The following CNGA3 variants were observed in gnomAD, a reference collection of about 807,000 sequenced individuals.
The protein encoded by CNGA3 is cyclic nucleotide gated channel subunit alpha 3.
Under a neutral mutation model 46.6 loss-of-function variants are expected in CNGA3, and 42 were observed. The ratio of observed to expected loss-of-function variants is 0.90; its 90% CI spans 0.70 to 1.17. The LOEUF is 1.17. Ranked by LOEUF, CNGA3 falls within the 50% of genes most tolerant of loss-of-function variation. CNGA3 has a pLI of 0.00. For synonymous variants in CNGA3, 394 were observed against 369.4 expected (o/e 1.07, Z -0.76); for missense variants, 893 against 890.7 (o/e 1.00, Z -0.03).
chr2:98,369,926 G>A lies in CNGA3; in HGVS notation c.-37-13G>A. On this transcript the variant is annotated splice_polypyrimidine_tract_variant and intron_variant, in intron 1 of 7. Transcript: ENST00000272602. ...TGTCCTGATGACGTGTCTGCTTTGT[G>A]TTCACATTTTAGCAATCATCTGGGG... 4 of 1,502,910 alleles carry A rather than the reference G, an allele frequency of 2.7e-6. No individual in the cohort carries two copies. Among genetic ancestry groups the A allele is most frequent in the Non-Finnish European group, 3.7e-6 (4 of 1,083,596 alleles). 93.1% of individuals were successfully genotyped at this position (1,502,910 alleles called of 1,614,324 possible).
chr2:98,390,199 G>A lies in CNGA3; in HGVS notation c.566+425G>A, dbSNP rs894468041. Reference sequence around the variant, plus strand: ...CACCCAGGCTGGAGTTCAGTGGCGCGATCTCAGCTAACTGCAACCTCCACC... The same window carrying A: ...CACCCAGGCTGGAGTTCAGTGGCGCAATCTCAGCTAACTGCAACCTCCACC... On this transcript the variant is annotated intron_variant, in intron 6 of 7. Coordinates refer to ENST00000272602, the MANE Select transcript of CNGA3 (RefSeq NM_001298.3). Among the ~76,000 whole-genome samples, 11 of 151,702 alleles carry A rather than the reference G, an allele frequency of 7.3e-5. No individual in the cohort carries two copies. In the East Asian group the frequency reaches 1.9e-3, roughly 27 times the overall value.
Position 98,346,546 on chromosome 2 carries a change from T to C in CNGA3, c.-38+12T>C, listed in dbSNP as rs1157321151. On this transcript the variant is annotated intron_variant, in intron 1 of 7. Coordinates refer to ENST00000272602, the MANE Select transcript of CNGA3 (RefSeq NM_001298.3). ...CAAACTTTGGCAGGGTAAGGATTTT[T>C]AGGGGCTCTTGAGCTGGAATTTTTT... 5.0e-6 allele frequency: 2 copies of C among 397,132 alleles called. No individual in the cohort carries two copies. Among genetic ancestry groups the C allele is most frequent in the Non-Finnish European group, 8.9e-6 (2 of 225,530 alleles). The allele number at this position is 397,132 out of a possible 1,614,324, so 24.6% of individuals were successfully genotyped here. A position where few individuals can be genotyped will look rare whatever the true frequency, so the allele number is the denominator to read the frequency against.
intron 6 of CNGA3, among the ~76,000 whole-genome samples, chr2:98,391,555 C>T (rs1692788634): frequency 6.6e-6 from 1 of 152,220 alleles, no homozygotes; most frequent in Non-Finnish European, 1.5e-5. Context: ...CTTTACCTGA[C>T]TCTGCCAGTG....
Position 98,397,133 on chromosome 2 carries a change from C to G in CNGA3, c.1963C>G (p.Gln655Glu), listed in dbSNP as rs779058494. ...ARLLAEYNAT[Q>E]MKMKQRLSQL... ...CCTCCTGGCTGAGTACAACGCCACC[C>G]AGATGAAGATGAAGCAGCGTCTCAG... The change falls in exon 8 of 8, where the codon CAG becomes GAG. Residue 655 changes from glutamine to glutamate, a missense_variant. Gln to Glu is a conservative substitution (Grantham distance 29). Transcript: ENST00000272602. The G allele has an allele frequency of 6.2e-7, 1 of 1,614,132 alleles. No homozygotes were observed. The highest frequency in any genetic ancestry group is 8.5e-7 in the Non-Finnish European group (1 of 1,180,002).
chr2:98,346,577 G>C lies in CNGA3; in HGVS notation c.-38+43G>C, dbSNP rs1024158720. Reference sequence around the variant, plus strand: ...CTCTTGAGCTGGAATTTTTTGGGGGGCGCCGGGAGGTGTGCTGGGGCCGCA... The same window carrying C: ...CTCTTGAGCTGGAATTTTTTGGGGGCCGCCGGGAGGTGTGCTGGGGCCGCA... On this transcript the variant is annotated intron_variant, in intron 1 of 7. Transcript: ENST00000272602. 19 of 397,136 alleles carry C rather than the reference G, an allele frequency of 4.8e-5. 1 individual carries two copies. The highest frequency in any genetic ancestry group is 8.9e-6 in the Non-Finnish European group (2 of 225,712). The allele number at this position is 397,136 out of a possible 1,614,324, so 24.6% of individuals were successfully genotyped here. A position where few individuals can be genotyped will look rare whatever the true frequency, so the allele number is the denominator to read the frequency against.
At chr2:98,366,683 A>G (rs10187945) in intron 1 of CNGA3, among the ~76,000 whole-genome samples, 66,787 of 152,036 alleles carry the variant, frequency 0.44, 14,767 homozygotes, top group Admixed American at 0.5. Flanking sequence ...CACAGCCGCT[A>G]TGGTGCACTG....
At chr2:98,353,444 T>C (rs1253823207) in intron 1 of CNGA3, among the ~76,000 whole-genome samples, 1 of 152,226 alleles carries the variant, frequency 6.6e-6, no homozygotes, top group Non-Finnish European at 1.5e-5. Context: ...TATTATATCA[T>C]GGAACTTCTG....
chr2:98,379,466 GC>G (rs1692489521), intron 3 of CNGA3, among the ~76,000 whole-genome samples: 1 of 151,940 alleles, frequency 6.6e-6, no homozygotes, highest in Non-Finnish European at 1.5e-5. Flanking sequence ...TGGAGGGAAG[GC>G]CCCTCTCAGG....
At chr2:98,353,685 G>A (rs1054027276) in intron 1 of CNGA3, among the ~76,000 whole-genome samples, 1 of 152,128 alleles carries the variant, frequency 6.6e-6, no homozygotes, top group Non-Finnish European at 1.5e-5. Context: ...GTCTTATATT[G>A]CTATAAAGAA....
intron 1 of CNGA3, among the ~76,000 whole-genome samples, chr2:98,357,772 G>A (rs1451832874): frequency 2.0e-5 from 3 of 152,210 alleles, no homozygotes; most frequent in African/African-American, 7.2e-5. Context: ...TTTGGGAGAT[G>A]CTCAAAAACC....
intron 1 of CNGA3, among the ~76,000 whole-genome samples, chr2:98,365,042 CA>C (rs1413757386): frequency 7.5e-6 from 1 of 132,702 alleles, no homozygotes; most frequent in African/African-American, 2.7e-5. Flanking sequence ...CTGCCCTTAA[CA>C]TTTTTTTTTT....
At chr2:98,377,957 A>G in intron 3 of CNGA3, 157 bp downstream of exon 3, 1 of 1,386,552 alleles carries the variant, frequency 7.2e-7, no homozygotes, top group Non-Finnish European at 9.8e-7. Context: ...TCAGTGAGTA[A>G]TTTCCTCTTG....
chr2:98,352,634 A>G (rs1213163182), intron 1 of CNGA3, among the ~76,000 whole-genome samples: 5 of 152,178 alleles, frequency 3.3e-5, no homozygotes, highest in African/African-American at 1.2e-4. Context: ...TTTCCAGATG[A>G]GATTAGTATT....
At chr2:98,374,353 G>T (rs1328089768) in intron 2 of CNGA3, among the ~76,000 whole-genome samples, 2 of 152,154 alleles carry the variant, frequency 1.3e-5, no homozygotes, top group East Asian at 3.8e-4. Flanking sequence ...CCAACATCAG[G>T]GGGGCCTCTT....
Position 98,370,007 on chromosome 2 carries a change from C to G in CNGA3, c.32C>G (p.Pro11Arg). MAKINTQYSH[P>R]SRTHLKVKTS... ...AAGATCAACACCCAATACTCCCACCCCTCCAGGACCCACCTCAAGGTAAAG... is the reference window on the plus strand; with the variant it reads ...AAGATCAACACCCAATACTCCCACCGCTCCAGGACCCACCTCAAGGTAAAG... The change falls in exon 2 of 8, where the codon CCC (proline) becomes CGC (arginine). Residue 11 changes from proline to arginine, a missense_variant. Pro to Arg is a moderately radical substitution (Grantham distance 103). Coordinates refer to ENST00000272602, the MANE Select transcript of CNGA3 (RefSeq NM_001298.3). 6.2e-7 allele frequency: 1 copy of G among 1,614,054 alleles called. No individual in the cohort carries two copies. Among genetic ancestry groups the G allele is most frequent in the South Asian group, 1.1e-5 (1 of 91,044 alleles).
At chr2:98,395,142 C>T (rs1323031178) in intron 7 of CNGA3, among the ~76,000 whole-genome samples, 1 of 152,070 alleles carries the variant, frequency 6.6e-6, no homozygotes, top group Non-Finnish European at 1.5e-5. Context: ...AAAAATAAAC[C>T]TCTAAATCAA....
chr2:98,375,076 C>G (rs529675751), intron 2 of CNGA3, among the ~76,000 whole-genome samples: 12 of 152,380 alleles, frequency 7.9e-5, no homozygotes, highest in Admixed American at 5.2e-4. Context: ...CCTCCTCCCC[C>G]TGAGTGGGCA....
chr2:98,350,259 T>A (rs188354004), intron 1 of CNGA3, among the ~76,000 whole-genome samples: 18 of 152,316 alleles, frequency 1.2e-4, no homozygotes, highest in Admixed American at 7.8e-4. Context: ...CATCGAGTTG[T>A]TGTGGGGATT....
rs113951515 is a variant in CNGA3 at position 98,365,207 on chromosome 2, C to T, written c.-37-4732C>T. Among the ~76,000 whole-genome samples the T allele has an allele frequency of 3.3e-3, 500 of 152,184 alleles. 3 individuals carry two copies. The highest frequency in any genetic ancestry group is 0.012 in the African/African-American group (484 of 41,502). Reference sequence around the variant, plus strand: ...CTATAATCCCAACACTTTGGGAAGCCGAGGCAGGCAAATCACTTGAAGTTA... The same window carrying T: ...CTATAATCCCAACACTTTGGGAAGCTGAGGCAGGCAAATCACTTGAAGTTA... On this transcript the variant is annotated intron_variant, in intron 1 of 7. Transcript: ENST00000272602.
Sources: allele counts gnomAD v4.1 joint callset (sites outside exome capture counted in the v4.1 genomes callset), GRCh38; gene constraint gnomAD v4.1.1; transcripts MANE v1.5; gene names NCBI Gene and HGNC (gene_info 2026-07-23, HGNC 2026-07-21).